The following GNA14 variants were observed in gnomAD, a reference collection of about 807,000 sequenced individuals.
GNA14 encodes the protein G protein subunit alpha 14.
A neutral mutation model predicts 42.0 loss-of-function variants in GNA14; 50 were observed. That is an observed-to-expected ratio of 1.19 (90% CI 0.95 to 1.51). The LOEUF (loss-of-function observed/expected upper bound fraction) is 1.51, where lower values mean the gene tolerates loss of function less well. Among genes scored for constraint, GNA14 ranks in the 40% most tolerant of loss-of-function variants. The pLI is 0.00. For synonymous variants in GNA14, 173 were observed against 163.1 expected (o/e 1.06, Z -0.46); for missense variants, 473 against 446.2 (o/e 1.06, Z -0.54).
chr9:77,484,500 G>A (rs1836621330), intron 2 of GNA14, among the ~76,000 whole-genome samples: 5 of 150,650 alleles, frequency 3.3e-5, no homozygotes, highest in Admixed American at 3.3e-4. Context: ...GGGTGGGTGG[G>A]TGTGGGTGCT....
At chr9:77,499,686 C>A (rs920268842) in intron 2 of GNA14, among the ~76,000 whole-genome samples, 1 of 151,868 alleles carries the variant, frequency 6.6e-6, no homozygotes, top group African/African-American at 2.4e-5. Context: ...CCCGTCTCTA[C>A]TAAAAATACA....
intron 2 of GNA14, among the ~76,000 whole-genome samples, chr9:77,508,240 T>C (rs576508600): frequency 3.3e-5 from 5 of 152,206 alleles, no homozygotes; most frequent in Non-Finnish European, 7.3e-5. Flanking sequence ...ACCTGCTAAG[T>C]GTCGGAAAAA....
At chr9:77,618,656 C>T (rs1385651305) in intron 1 of GNA14, among the ~76,000 whole-genome samples, 4 of 43,782 alleles carry the variant, frequency 9.1e-5, no homozygotes, top group South Asian at 7.7e-4. Flanking sequence ...TTTTTTGAGA[C>T]GGAGTCTCGC....
At chr9:77,452,096 G>C (rs1365503756) in intron 2 of GNA14, among the ~76,000 whole-genome samples, 1 of 152,174 alleles carries the variant, frequency 6.6e-6, no homozygotes, top group Non-Finnish European at 1.5e-5. Context: ...ACACGATCCA[G>C]TAAGAGGCTG....
At chr9:77,437,667 T>G (rs1470375560) in intron 2 of GNA14, among the ~76,000 whole-genome samples, 1 of 150,028 alleles carries the variant, frequency 6.7e-6, no homozygotes, top group African/African-American at 2.5e-5. Context: ...AGAAAGAAAC[T>G]TATAAAGAGT....
intron 2 of GNA14, among the ~76,000 whole-genome samples, chr9:77,514,999 G>T (rs540776925): frequency 3.8e-4 from 58 of 152,272 alleles, no homozygotes; most frequent in African/African-American, 1.3e-3. Flanking sequence ...GCAGATGGAG[G>T]ATGTGAGATG....
intron 2 of GNA14, among the ~76,000 whole-genome samples, chr9:77,502,292 G>T (rs981055428): frequency 6.6e-6 from 1 of 152,132 alleles, no homozygotes; most frequent in Non-Finnish European, 1.5e-5. Flanking sequence ...TATCTCGATT[G>T]TCCTTGTCAT....
chr9:77,466,357 C>T (rs1309784237), intron 2 of GNA14, among the ~76,000 whole-genome samples: 1 of 152,154 alleles, frequency 6.6e-6, no homozygotes, highest in Non-Finnish European at 1.5e-5. Context: ...TAAGTTCACA[C>T]CGATTTTTTC....
At chr9:77,479,679 T>C (rs1482476920) in intron 2 of GNA14, among the ~76,000 whole-genome samples, 2 of 152,248 alleles carry the variant, frequency 1.3e-5, no homozygotes, top group Admixed American at 1.3e-4. Context: ...TTCCTACTCA[T>C]GAACATGGAA....
intron 1 of GNA14, among the ~76,000 whole-genome samples, chr9:77,571,388 T>C (rs943518426): frequency 2.0e-5 from 3 of 152,022 alleles, no homozygotes; most frequent in Non-Finnish European, 2.9e-5. Context: ...GTCTTATTTG[T>C]AGTGTATGGA....
chr9:77,640,186 T>G (rs188046810), intron 1 of GNA14, among the ~76,000 whole-genome samples: 175 of 152,352 alleles, frequency 1.1e-3, no homozygotes, highest in Non-Finnish European at 5.0e-4. Context: ...TTGAGTCCCC[T>G]AACCCAACTG....
At chr9:77,535,131 T>C (rs757237279) in intron 1 of GNA14, among the ~76,000 whole-genome samples, 11 of 152,222 alleles carry the variant, frequency 7.2e-5, no homozygotes, top group Non-Finnish European at 1.5e-4. Context: ...TGCCAGGCCC[T>C]TGGGGGCACT....
chr9:77,514,766 A>G (rs1000035097), intron 2 of GNA14, among the ~76,000 whole-genome samples: 8 of 152,058 alleles, frequency 5.3e-5, no homozygotes, highest in Admixed American at 5.2e-4. Context: ...GGCGTCTGCC[A>G]CCACGCCCGG....
At chr9:77,575,570 A>C (rs1429752539) in intron 1 of GNA14, among the ~76,000 whole-genome samples, 2 of 152,188 alleles carry the variant, frequency 1.3e-5, no homozygotes, top group Non-Finnish European at 2.9e-5. Flanking sequence ...AACTACTGAT[A>C]TCGGTCTCCT....
At chr9:77,643,785 C>A (rs575636926) in intron 1 of GNA14, among the ~76,000 whole-genome samples, 1 of 152,278 alleles carries the variant, frequency 6.6e-6, no homozygotes, top group African/African-American at 2.4e-5. Context: ...ACTACCACAA[C>A]AGTTTATACA....
At chr9:77,485,799 T>G (rs1836650095) in intron 2 of GNA14, among the ~76,000 whole-genome samples, 1 of 152,196 alleles carries the variant, frequency 6.6e-6, no homozygotes, top group South Asian at 2.1e-4. Context: ...AAGGAATCTT[T>G]TTTGCTAAGC....
chr9:77,435,518 T>C (rs1427933758), intron 2 of GNA14, among the ~76,000 whole-genome samples: 1 of 152,168 alleles, frequency 6.6e-6, no homozygotes, highest in Non-Finnish European at 1.5e-5. Context: ...TCCCTCCCAA[T>C]GCACTACTCT....
At chr9:77,533,012 A>G (rs1037427138) in intron 1 of GNA14, among the ~76,000 whole-genome samples, 10 of 152,190 alleles carry the variant, frequency 6.6e-5, no homozygotes. Context: ...CCTGGACCCA[A>G]TCCAAAAAGT....
intron 2 of GNA14, among the ~76,000 whole-genome samples, chr9:77,469,818 T>C (rs531877551): frequency 6.6e-6 from 1 of 152,354 alleles, no homozygotes; most frequent in South Asian, 2.1e-4. Flanking sequence ...TCCTGGGTTT[T>C]GTTTTCACTC....
Sources: allele counts gnomAD v4.1 joint callset (sites outside exome capture counted in the v4.1 genomes callset), GRCh38; gene constraint gnomAD v4.1.1; transcripts MANE v1.5; gene names NCBI Gene and HGNC (gene_info 2026-07-23, HGNC 2026-07-21).